The following SARAF variants were observed in gnomAD, a reference collection of about 807,000 sequenced individuals.
The protein encoded by SARAF is store-operated calcium entry-associated regulatory factor.
A neutral mutation model predicts 39.7 loss-of-function variants in SARAF; 23 were observed. That is an observed-to-expected ratio of 0.58 (90% CI 0.42 to 0.82). The LOEUF is 0.82. SARAF is among the 40% of genes least tolerant of loss of function. The pLI, the probability that SARAF is intolerant of heterozygous loss-of-function variation, is 0.00. For synonymous variants in SARAF, 175 were observed against 168.5 expected, an observed-to-expected ratio of 1.04 and a Z score of -0.30; for missense variants, 384 against 418.5, an observed-to-expected ratio of 0.92 and a Z score of 0.72.
Position 30,082,790 on chromosome 8 carries a change from G to A in SARAF, c.103+57C>T, listed in dbSNP as rs776783337. The A allele has an allele frequency of 2.0e-4, 279 of 1,400,862 alleles. 1 individual carries two copies. The highest frequency in any genetic ancestry group is 2.6e-4 in the Non-Finnish European group (272 of 1,049,570). The allele number at this position is 1,400,862 out of a possible 1,614,324, so 86.8% of individuals were successfully genotyped here. On this transcript the variant is annotated intron_variant, in intron 1 of 5. Transcript: ENST00000256255. Reference sequence around the variant, plus strand: ...ACGGAAACGCAGGGGAGCCTGCACCGGCTGACGGCGGCGGAAAAGGGCGAA... The same window carrying A: ...ACGGAAACGCAGGGGAGCCTGCACCAGCTGACGGCGGCGGAAAAGGGCGAA...
intron 2 of SARAF, among the ~76,000 whole-genome samples, chr8:30,072,416 A>AG (rs1334564613): frequency 1.3e-5 from 2 of 152,182 alleles, no homozygotes; most frequent in African/African-American, 4.8e-5. Flanking sequence ...GTCCTTTGAT[A>AG]GTCAAAAGTT....
rs547275395 is a variant in SARAF at position 30,063,741 on chromosome 8, A to G, written c.*147T>C. On this transcript the variant is annotated 3_prime_UTR_variant, in exon 6 of 6. Coordinates refer to ENST00000256255, the MANE Select transcript of SARAF (RefSeq NM_016127.6). Reference sequence around the variant, plus strand: ...TCAACTTTTAGCCTCAAATAATAGAATACAAAAAGCTACACTGGACATAAC... The same window carrying G: ...TCAACTTTTAGCCTCAAATAATAGAGTACAAAAAGCTACACTGGACATAAC... The G allele has an allele frequency of 1.4e-6, 1 of 690,960 alleles. No homozygotes were observed. Among genetic ancestry groups the G allele is most frequent in the South Asian group, 1.7e-5 (1 of 57,160 alleles). The allele number at this position is 690,960 out of a possible 1,614,324, so 42.8% of individuals were successfully genotyped here. A position where few individuals can be genotyped will look rare whatever the true frequency, so the allele number is the denominator to read the frequency against.
intron 2 of SARAF, among the ~76,000 whole-genome samples, chr8:30,072,926 A>T (rs1026862241): frequency 6.6e-6 from 1 of 152,092 alleles, no homozygotes; most frequent in Non-Finnish European, 1.5e-5. Flanking sequence ...TACCTTATTC[A>T]TTTTTGTATA....
At chr8:30,073,843 C>G in intron 2 of SARAF, 34 bp downstream of exon 2, 1 of 1,577,706 alleles carries the variant, frequency 6.3e-7, no homozygotes. Context: ...AATAAAAACC[C>G]CATTTAGACT....
intron 2 of SARAF, among the ~76,000 whole-genome samples, chr8:30,073,168 A>C (rs1432797815): frequency 6.6e-6 from 1 of 152,234 alleles, no homozygotes; most frequent in Non-Finnish European, 1.5e-5. Context: ...TCAAACAAGA[A>C]TATCATTCTG....
chr8:30,073,651 A>G, intron 2 of SARAF: 2 of 431,810 alleles, frequency 4.6e-6, no homozygotes, highest in South Asian at 4.6e-5. Flanking sequence ...ATATCTTAGA[A>G]GGAGGTCACG....
chr8:30,075,060 GGAGGCC>G (rs1801925834), intron 1 of SARAF, among the ~76,000 whole-genome samples: 1 of 152,224 alleles, frequency 6.6e-6, no homozygotes, highest in Admixed American at 6.5e-5. Context: ...CAGCACTTTG[GGAGGCC>G]GAGGCACGTG....
intron 3 of SARAF, among the ~76,000 whole-genome samples, chr8:30,069,418 G>A (rs547039888): frequency 6.6e-6 from 1 of 152,208 alleles, no homozygotes; most frequent in East Asian, 1.9e-4. Flanking sequence ...GGGATTACAG[G>A]CGTGAGCCAC....
At chr8:30,075,866 T>C (rs970827966) in intron 1 of SARAF, among the ~76,000 whole-genome samples, 1 of 151,410 alleles carries the variant, frequency 6.6e-6, no homozygotes, top group Non-Finnish European at 1.5e-5. Flanking sequence ...CAGCAGAATT[T>C]TGGAAGGAGA....
chr8:30,079,357 C>T (rs1287015330), intron 1 of SARAF, among the ~76,000 whole-genome samples: 1 of 151,976 alleles, frequency 6.6e-6, no homozygotes, highest in Non-Finnish European at 1.5e-5. Flanking sequence ...GACTATGCAG[C>T]CACAAGAAAA....
At chr8:30,064,553 A>ATTTTTTT (rs1213352789) in intron 5 of SARAF, among the ~76,000 whole-genome samples, 36 of 47,666 alleles carry the variant, frequency 7.6e-4, no homozygotes, top group East Asian at 1.7e-3. Context: ...ATATATATAT[A>ATTTTTTT]TATATATATT....
chr8:30,068,763 T>TTA lies in SARAF; in HGVS notation c.700+877_700+878dup, dbSNP rs769604583. On this transcript the variant is annotated intron_variant, in intron 3 of 5. Coordinates refer to ENST00000256255, the MANE Select transcript of SARAF (RefSeq NM_016127.6). ...TTTTATGTTCTACCGGAAATACATT[T>TTA]TATATATATATATGCCGGAAATACG... is the stretch of plus-strand genomic sequence containing the variant. Among the ~76,000 whole-genome samples the TTA allele has an allele frequency of 2.1e-3, 325 of 151,856 alleles. 2 individuals are homozygous for TTA. The highest frequency in any genetic ancestry group is 3.2e-3 in the Non-Finnish European group (218 of 67,912).
Position 30,066,903 on chromosome 8 carries a change from C to T in SARAF, c.716G>A (p.Gly239Asp). 1 of 1,614,078 alleles carries T rather than the reference C, an allele frequency of 6.2e-7. No homozygotes were observed. Among genetic ancestry groups the T allele is most frequent in the Non-Finnish European group, 8.5e-7 (1 of 1,179,996 alleles). ...GCCAAAACCAGAAGTTGCACCATGG[C>T]CAGTATTCTGTGGTCCTTAAAATAA... is the stretch of plus-strand genomic sequence containing the variant. ...KSEFTGPQNT[G>D]HGATSGFGSA... Residue 239 changes from glycine to aspartate, a missense_variant, in exon 4 of 6, where the codon GGC becomes GAC. Coordinates refer to ENST00000256255, the MANE Select transcript of SARAF (RefSeq NM_016127.6).
intron 2 of SARAF, among the ~76,000 whole-genome samples, chr8:30,071,328 G>T (rs1296345332): frequency 6.6e-6 from 1 of 152,152 alleles, no homozygotes; most frequent in African/African-American, 2.4e-5. Context: ...TCCAGACTGG[G>T]TGACAGAGGG....
chr8:30,075,177 G>C (rs1288307812), intron 1 of SARAF, among the ~76,000 whole-genome samples: 2 of 152,006 alleles, frequency 1.3e-5, no homozygotes, highest in Admixed American at 6.6e-5. Flanking sequence ...GCACATGCCT[G>C]TAATCCCAGC....
intron 1 of SARAF, among the ~76,000 whole-genome samples, chr8:30,076,364 T>C (rs976471576): frequency 6.6e-6 from 1 of 152,180 alleles, no homozygotes; most frequent in Admixed American, 6.5e-5. Flanking sequence ...TGGATGACTA[T>C]TCCCTTGGTA....
chr8:30,065,823 A>G (rs1169544442), intron 5 of SARAF, 165 bp downstream of exon 5: 1 of 795,988 alleles, frequency 1.3e-6, no homozygotes, highest in East Asian at 2.8e-5. Context: ...TTTGATTTTT[A>G]AAGAATGTTT....
At position 30,069,608 on chromosome 8, in the gene SARAF, C is replaced by T. The variant is rs201295131; in HGVS notation, c.700+34G>A. 1.0e-4 allele frequency: 167 copies of T among 1,594,936 alleles called. 1 individual carries two copies. The highest frequency in any genetic ancestry group is 8.4e-4 in the Middle Eastern group (5 of 5,958). On this transcript the variant is annotated intron_variant, in intron 3 of 5. Coordinates refer to ENST00000256255, the MANE Select transcript of SARAF (RefSeq NM_016127.6). The stretch of plus-strand genomic sequence containing the variant: ...GCACAGGATGCACTAACCTCACACC[C>T]GCTCTATTTATGGCCACTGCGAGGG...
chr8:30,075,484 A>G (rs557531336), intron 1 of SARAF, among the ~76,000 whole-genome samples: 1 of 152,192 alleles, frequency 6.6e-6, no homozygotes, highest in Non-Finnish European at 1.5e-5. Flanking sequence ...TTGCAGCTAT[A>G]GTTGCCAAAA....
Sources: gnomAD v4.1 joint callset for allele counts (sites outside exome capture counted in the v4.1 genomes callset) on GRCh38, gnomAD v4.1.1 for gene constraint, MANE v1.5 for transcripts, NCBI Gene and HGNC (gene_info 2026-07-23, HGNC 2026-07-21) for gene names.